Variants in LRMDA observed in about 807,000 individuals in gnomAD.
LRMDA encodes leucine-rich melanocyte differentiation-associated protein.
A neutral mutation model predicts 29.8 loss-of-function variants in LRMDA; 18 were observed. That is an observed-to-expected ratio of 0.60 (90% CI 0.42 to 0.90). LRMDA has a LOEUF of 0.90. LRMDA is among the 40% of genes least tolerant of loss of function. LRMDA has a pLI of 0.00. For missense variants in LRMDA, 273 were observed against 273.9 expected, an observed-to-expected ratio of 1.00 and a Z score of 0.02; for synonymous variants, 125 against 109.4, an observed-to-expected ratio of 1.14 and a Z score of -0.89.
intron 6 of LRMDA, among the ~76,000 whole-genome samples, chr10:76,513,257 A>T (rs1297911924): frequency 6.6e-6 from 1 of 152,184 alleles, no homozygotes; most frequent in Non-Finnish European, 1.5e-5. Flanking sequence ...CAGATTTTAG[A>T]GTTAGTTTCA....
intron 4 of LRMDA, among the ~76,000 whole-genome samples, chr10:76,053,941 T>A (rs1848569752): frequency 6.6e-6 from 1 of 152,306 alleles, no homozygotes; most frequent in Admixed American, 6.5e-5. Flanking sequence ...TCAGAAACTC[T>A]GGGGATGGGG....
intron 2 of LRMDA, among the ~76,000 whole-genome samples, chr10:75,830,759 A>C (rs1844326997): frequency 6.6e-6 from 1 of 152,156 alleles, no homozygotes; most frequent in Non-Finnish European, 1.5e-5. Flanking sequence ...GGGCCATCCC[A>C]AATCTCATAT....
At chr10:75,705,287 C>T (rs1250302825) in intron 2 of LRMDA, among the ~76,000 whole-genome samples, 1 of 152,100 alleles carries the variant, frequency 6.6e-6, no homozygotes, top group African/African-American at 2.4e-5. Context: ...GAGGGTTTCC[C>T]CCACTAAATT....
intron 2 of LRMDA, among the ~76,000 whole-genome samples, chr10:75,706,051 C>A (rs927911698): frequency 6.6e-6 from 1 of 152,180 alleles, no homozygotes; most frequent in Non-Finnish European, 1.5e-5. Context: ...GGTAAAATGA[C>A]AGCCAAGTGT....
intron 6 of LRMDA, among the ~76,000 whole-genome samples, chr10:76,331,914 A>G (rs145430239): frequency 7.0e-4 from 107 of 152,262 alleles, no homozygotes; most frequent in Non-Finnish European, 5.7e-4. Context: ...TGACAGGTTT[A>G]TTTTATCTGC....
chr10:75,987,648 C>T (rs1358440056), intron 2 of LRMDA, among the ~76,000 whole-genome samples: 1 of 152,162 alleles, frequency 6.6e-6, no homozygotes, highest in Admixed American at 6.5e-5. Context: ...TCACCCTCTC[C>T]ACTTCGAAGT....
chr10:75,441,700 C>T (rs1589145389), intron 2 of LRMDA, among the ~76,000 whole-genome samples: 1 of 152,242 alleles, frequency 6.6e-6, no homozygotes, highest in African/African-American at 2.4e-5. Context: ...CAAAATTCTT[C>T]CTTTGTTATA....
chr10:76,253,092 A>G lies in LRMDA; in HGVS notation c.517-71309A>G, dbSNP rs187287404. ...GTGCTTTCTGGGCTTTTATTTTTAT[A>G]TAAGCGACTGCCCAGCAAAACTCTC... On this transcript the variant is annotated intron_variant, in intron 5 of 6. Coordinates refer to ENST00000611255, the MANE Select transcript of LRMDA (RefSeq NM_001305581.2). Among the ~76,000 whole-genome samples the G allele has an allele frequency of 5.1e-4, 77 of 152,314 alleles. 1 individual carries two copies. In the East Asian group the frequency reaches 7.7e-3, roughly 15 times the overall value.
intron 2 of LRMDA, among the ~76,000 whole-genome samples, chr10:75,854,881 T>C (rs539701377): frequency 1.1e-3 from 160 of 152,328 alleles, no homozygotes; most frequent in African/African-American, 3.7e-3. Flanking sequence ...TCCATGTCCC[T>C]AAAAAGGACA....
At chr10:76,328,925 A>G (rs549885027) in intron 6 of LRMDA, among the ~76,000 whole-genome samples, 1 of 152,342 alleles carries the variant, frequency 6.6e-6, no homozygotes, top group South Asian at 2.1e-4. Context: ...AGGTGCTGCC[A>G]CCACCCAGAG....
In LRMDA at chr10:75,845,051, G is replaced by A. The variant is rs1844609069; in HGVS notation, c.132-190957G>A. Among the ~76,000 whole-genome samples the A allele has an allele frequency of 3.9e-5, 6 of 152,182 alleles. No homozygotes were observed. In the South Asian group the frequency reaches 1.2e-3, roughly 32 times the overall value. The stretch of plus-strand genomic sequence containing the variant: ...ATTATATCATTCATGTTAGGTGAAG[G>A]ACAATTACTATAATTTTTGTATAAA... On this transcript the variant is annotated intron_variant, in intron 2 of 6. Transcript: ENST00000611255.
In LRMDA at chr10:76,375,721, G is replaced by A. The variant is rs1841508410; in HGVS notation, c.601+51236G>A. On this transcript the variant is annotated intron_variant, in intron 6 of 6. Coordinates refer to ENST00000611255, the MANE Select transcript of LRMDA (RefSeq NM_001305581.2). The stretch of plus-strand genomic sequence containing the variant: ...AGTAAACTTCTAAGTGTTCCATGCT[G>A]AATTTTTTTTTTTTTTTTCGGGGGG... Among the ~76,000 whole-genome samples, 4 of 86,156 alleles carry A rather than the reference G, an allele frequency of 4.6e-5. No homozygotes were observed. In the South Asian group the frequency reaches 1.4e-3, roughly 29 times the overall value. The allele number at this position is 86,156 out of a possible 152,430, so 56.5% of individuals were successfully genotyped here.
chr10:76,129,384 C>T (rs994266734), intron 5 of LRMDA, among the ~76,000 whole-genome samples: 10 of 152,186 alleles, frequency 6.6e-5, no homozygotes, highest in African/African-American at 2.4e-4. Flanking sequence ...CCCAAATTGC[C>T]ATCTCCAGTG....
At chr10:75,448,562 A>G (rs528775008) in intron 2 of LRMDA, among the ~76,000 whole-genome samples, 2 of 152,276 alleles carry the variant, frequency 1.3e-5, no homozygotes, top group Admixed American at 6.5e-5. Flanking sequence ...GCTACTATAG[A>G]GGGCATTTTA....
chr10:76,451,249 T>G (rs1842403208), intron 6 of LRMDA, among the ~76,000 whole-genome samples: 1 of 152,088 alleles, frequency 6.6e-6, no homozygotes, highest in Non-Finnish European at 1.5e-5. Context: ...TCGCCCAGGC[T>G]GGAGTGCAGT....
chr10:76,309,519 A>G (rs1840603649), intron 5 of LRMDA, among the ~76,000 whole-genome samples: 2 of 152,200 alleles, frequency 1.3e-5, no homozygotes, highest in Admixed American at 1.3e-4. Flanking sequence ...CATTTAGGAT[A>G]TTAAAGCGAA....
At chr10:75,730,308 G>T (rs370710608) in intron 2 of LRMDA, among the ~76,000 whole-genome samples, 2 of 151,790 alleles carry the variant, frequency 1.3e-5, no homozygotes, top group African/African-American at 4.9e-5. Context: ...TCTTGTTCAC[G>T]TAGATCTCAA....
At chr10:76,000,448 C>T (rs1847543205) in intron 2 of LRMDA, among the ~76,000 whole-genome samples, 1 of 152,094 alleles carries the variant, frequency 6.6e-6, no homozygotes, top group African/African-American at 2.4e-5. Context: ...TCTTAGTTCC[C>T]CTGGATGATG....
intron 2 of LRMDA, among the ~76,000 whole-genome samples, chr10:75,818,029 C>T (rs2132277860): frequency 6.6e-6 from 1 of 152,308 alleles, no homozygotes; most frequent in East Asian, 1.9e-4. Context: ...ATGATGGTTC[C>T]ATGAATTGCA....
Sources: gnomAD v4.1 joint callset for allele counts (sites outside exome capture counted in the v4.1 genomes callset) on GRCh38, gnomAD v4.1.1 for gene constraint, MANE v1.5 for transcripts, NCBI Gene and HGNC (gene_info 2026-07-23, HGNC 2026-07-21) for gene names.